Variants in ZNF552 observed in about 807,000 individuals in gnomAD.
ZNF552 encodes the protein zinc finger protein 552.
Under a neutral mutation model 7.2 loss-of-function variants are expected in ZNF552, and 2 were observed. The observed-to-expected ratio is 0.28, with a 90% CI of 0.11 to 0.88. The LOEUF is 0.88. ZNF552 is among the 40% of genes least tolerant of loss of function. The pLI is 0.60. For missense variants in ZNF552, 421 were observed against 493.4 expected (o/e 0.85, Z 1.39); for synonymous variants, 173 against 176.5 (o/e 0.98, Z 0.16).
Position 57,808,162 on chromosome 19 carries a change from T to C in ZNF552, c.1102A>G (p.Thr368Ala). ...CCAGTGTGAACTCTCCTGTGTTTAGTGAGACTGGAGCTTTCGGCAAAAGAT... is the reference window on the plus strand; with the variant it reads ...CCAGTGTGAACTCTCCTGTGTTTAGCGAGACTGGAGCTTTCGGCAAAAGAT... ...GKSFAESSSL[T>A]KHRRVHTGEK... Residue 368 changes from threonine to alanine, a missense_variant, in exon 3 of 3, where the codon ACT (threonine) becomes GCT (alanine). Physicochemically the swap from Thr to Ala is moderately conservative, Grantham distance 58 (BLOSUM62 0). Coordinates refer to ENST00000391701, the MANE Select transcript of ZNF552 (RefSeq NM_024762.3). The C allele has an allele frequency of 6.2e-7, 1 of 1,614,146 alleles. No homozygotes were observed. Among genetic ancestry groups the C allele is most frequent in the African/African-American group, 1.3e-5 (1 of 75,034 alleles).
intron 2 of ZNF552, chr19:57,812,926 G>T: frequency 3.4e-6 from 1 of 295,266 alleles, no homozygotes; most frequent in Non-Finnish European, 6.4e-6. Context: ...TATGTAGGCA[G>T]TGACAATGTC....
chr19:57,809,822 A>G (rs556625519), intron 2 of ZNF552, among the ~76,000 whole-genome samples: 43 of 152,244 alleles, frequency 2.8e-4, no homozygotes, highest in African/African-American at 9.1e-4. Flanking sequence ...TCTCTACAGA[A>G]ATTATTTTTA....
intron 2 of ZNF552, among the ~76,000 whole-genome samples, chr19:57,810,838 T>A (rs1568490763): frequency 6.6e-6 from 1 of 152,230 alleles, no homozygotes; most frequent in Non-Finnish European, 1.5e-5. Context: ...AACCCAATTG[T>A]ATATTCCATA....
chr19:57,812,001 C>G (rs1354486823), intron 2 of ZNF552, among the ~76,000 whole-genome samples: 1 of 142,430 alleles, frequency 7.0e-6, no homozygotes, highest in African/African-American at 2.7e-5. Flanking sequence ...TACACTCCAG[C>G]CTGGGCAACA....
chr19:57,814,511 T>C lies in ZNF552; in HGVS notation c.33+200A>G, dbSNP rs1987919720. The C allele has an allele frequency of 2.6e-6, 4 of 1,536,574 alleles. No individual in the cohort carries two copies. The African/African-American group carries it at 4.1e-5, about 16-fold the overall frequency. On this transcript the variant is annotated intron_variant, in intron 1 of 2. Transcript: ENST00000391701. Reference sequence around the variant, plus strand: ...CCCGGATCCGTCCATCTCCAGGCCATTGCCCGCGCCCCTCCCTGTACCTGT... The same window carrying C: ...CCCGGATCCGTCCATCTCCAGGCCACTGCCCGCGCCCCTCCCTGTACCTGT...
Position 57,808,244 on chromosome 19 carries a change from A to G in ZNF552, c.1020T>C (p.Arg340=), listed in dbSNP as rs1322498474. The G allele has an allele frequency of 6.2e-7, 1 of 1,614,024 alleles. No homozygotes were observed. The highest frequency in any genetic ancestry group is 1.3e-5 in the African/African-American group (1 of 74,908). The change falls in exon 3 of 3, where the codon CGT becomes CGC. Residue 340 remains arginine, a synonymous_variant. Coordinates refer to ENST00000391701, the MANE Select transcript of ZNF552 (RefSeq NM_024762.3). The stretch of plus-strand genomic sequence containing the variant: ...GACCAGTGTGAACTCTCTTATGAAC[A>G]CGGAATGTAGAGCTGTGGGTAAATG... The part of the protein sequence containing the change: ...GKSFTHSSTF[R]VHKRVHTGQK...
intron 2 of ZNF552, among the ~76,000 whole-genome samples, chr19:57,809,618 A>G (rs750979972): frequency 2.0e-5 from 3 of 151,868 alleles, no homozygotes; most frequent in African/African-American, 7.3e-5. Flanking sequence ...TCAGACTACA[A>G]GCTCATGTAC....
intron 1 of ZNF552, among the ~76,000 whole-genome samples, chr19:57,813,834 C>T (rs1192535112): frequency 6.6e-6 from 1 of 150,820 alleles, no homozygotes; most frequent in Admixed American, 6.6e-5. Context: ...ACCTCCGCCT[C>T]CCGGGTTCAA....
At chr19:57,811,739 C>A (rs867776743) in intron 2 of ZNF552, among the ~76,000 whole-genome samples, 6,324 of 68,498 alleles carry the variant, frequency 0.092, 187 homozygotes, top group African/African-American at 0.13. Flanking sequence ...AAAAAAAAAA[C>A]AATGGAGAAG....
In ZNF552 at chr19:57,807,997, G is replaced by T; in HGVS notation, c.*43C>A. ...TGCTGCAATCACAGGATCTTACTCA[G>T]GTGTGTATTCTCCAATATTTAATGA... On this transcript the variant is annotated 3_prime_UTR_variant, in exon 3 of 3. Coordinates refer to ENST00000391701, the MANE Select transcript of ZNF552 (RefSeq NM_024762.3). The T allele has an allele frequency of 6.5e-7, 1 of 1,543,848 alleles. No individual in the cohort carries two copies. Among genetic ancestry groups the T allele is most frequent in the Non-Finnish European group, 8.7e-7 (1 of 1,144,450 alleles).
chr19:57,811,136 G>T (rs528043582), intron 2 of ZNF552, among the ~76,000 whole-genome samples: 3 of 151,712 alleles, frequency 2.0e-5, no homozygotes, highest in African/African-American at 7.3e-5. Context: ...CGTATGCTGA[G>T]CGCCAGTCCC....
chr19:57,811,632 C>A (rs1226651236), intron 2 of ZNF552, among the ~76,000 whole-genome samples: 1 of 140,372 alleles, frequency 7.1e-6, no homozygotes, highest in African/African-American at 2.7e-5. Flanking sequence ...GGCAGAATTG[C>A]TTGGGCCTGG....
In ZNF552 at chr19:57,808,872, C is replaced by A. The variant is rs1452669126; in HGVS notation, c.392G>T (p.Ser131Ile). 24 of 1,613,782 alleles carry A rather than the reference C, an allele frequency of 1.5e-5. No homozygotes were observed. In the East Asian group the frequency reaches 5.3e-4, roughly 36 times the overall value. The change falls in exon 3 of 3, where the codon AGT becomes ATT. Residue 131 changes from serine (S) to isoleucine (I), a missense_variant. By Grantham distance (142) the Ser-to-Ile change is moderately radical. Transcript: ENST00000391701. The stretch of plus-strand genomic sequence containing the variant: ...ATTCTGGTGCTGATGAAAGTTTCCA[C>A]TGTCATACAATTTATTCCCCCAGGC... ...CEAWGNKLYD[S>I]GNFHQHQNEH...
intron 2 of ZNF552, among the ~76,000 whole-genome samples, chr19:57,811,734 A>AAAC (rs1987862160): frequency 6.6e-6 from 1 of 150,456 alleles, no homozygotes; most frequent in Admixed American, 6.6e-5. Flanking sequence ...AAAAAAAAAA[A>AAAC]AAAACAATGG....
Position 57,808,023 on chromosome 19 carries a change from G to T in ZNF552, c.*17C>A, listed in dbSNP as rs1219452328. The stretch of plus-strand genomic sequence containing the variant: ...GTGTGTATTCTCCAATATTTAATGA[G>T]ACTGGACTCACTGCACTCATAAGCC... On this transcript the variant is annotated 3_prime_UTR_variant, in exon 3 of 3. Transcript: ENST00000391701. The T allele has an allele frequency of 6.3e-7, 1 of 1,586,824 alleles. No individual in the cohort carries two copies. Among genetic ancestry groups the T allele is most frequent in the South Asian group, 1.2e-5 (1 of 86,370 alleles).
chr19:57,813,734 C>CTT lies in ZNF552; in HGVS notation c.34-316_34-315dup, dbSNP rs528034833. 2.9e-4 allele frequency among the ~76,000 whole-genome samples: 25 copies of CTT among 86,300 alleles called. 1 individual carries two copies. Among genetic ancestry groups the CTT allele is most frequent in the African/African-American group, 4.3e-4 (8 of 18,686 alleles). 56.6% of individuals were successfully genotyped at this position (86,300 alleles called of 152,430 possible). On this transcript the variant is annotated intron_variant, in intron 1 of 2. Transcript: ENST00000391701. Reference sequence around the variant, plus strand: ...ATACCCTCTCTGAACGCACCTCATTCTTTTTTTTTTTTTTTTTTTTTTTTT... The same window carrying CTT: ...ATACCCTCTCTGAACGCACCTCATTCTTTTTTTTTTTTTTTTTTTTTTTTTTT...
chr19:57,810,942 A>C (rs555443978), intron 2 of ZNF552, among the ~76,000 whole-genome samples: 515 of 152,376 alleles, frequency 3.4e-3, no homozygotes, highest in Non-Finnish European at 5.8e-3. Flanking sequence ...ATGTATATGC[A>C]CATCAAAAGC....
chr19:57,811,639 C>T (rs1030236237), intron 2 of ZNF552, among the ~76,000 whole-genome samples: 3 of 140,476 alleles, frequency 2.1e-5, no homozygotes, highest in Admixed American at 1.6e-4. Context: ...TTGCTTGGGC[C>T]TGGGAGACAG....
chr19:57,809,451 C>A (rs1169861509), intron 2 of ZNF552, among the ~76,000 whole-genome samples: 2 of 152,092 alleles, frequency 1.3e-5, no homozygotes, highest in Admixed American at 1.3e-4. Flanking sequence ...AACACAAGCA[C>A]AACACAGCAG....
Sources: allele counts gnomAD v4.1 joint callset (sites outside exome capture counted in the v4.1 genomes callset), GRCh38; gene constraint gnomAD v4.1.1; transcripts MANE v1.5; gene names NCBI Gene and HGNC (gene_info 2026-07-23, HGNC 2026-07-21).